The following COL21A1 variants were observed in gnomAD, a reference collection of about 807,000 sequenced individuals.
COL21A1 encodes the protein collagen type XXI alpha 1 chain.
A neutral mutation model predicts 137.9 loss-of-function variants in COL21A1; 149 were observed. That is an observed-to-expected ratio of 1.08 (90% CI 0.95 to 1.24). The LOEUF is 1.24. Ranked by LOEUF, COL21A1 falls within the 50% of genes most tolerant of loss-of-function variation. COL21A1 has a pLI of 0.00. For synonymous variants in COL21A1, 456 were observed against 391.5 expected, an observed-to-expected ratio of 1.16 and a Z score of -1.95; for missense variants, 1,167 against 1,158.4, an observed-to-expected ratio of 1.01 and a Z score of -0.11.
Position 56,182,476 on chromosome 6 carries a change from T to G in COL21A1, c.88+55A>C, listed in dbSNP as rs1777973836. The G allele has an allele frequency of 6.7e-6, 8 of 1,197,244 alleles. No individual in the cohort carries two copies. In the Admixed American group the frequency reaches 1.2e-4, roughly 18 times the overall value. The allele number at this position is 1,197,244 out of a possible 1,614,324, so 74.2% of individuals were successfully genotyped here. ...AACCATTACTTGAACTCCCCTAGTT[T>G]AATTTCCAGATTAATTTGTTGATAA... On this transcript the variant is annotated intron_variant, in intron 2 of 29. Coordinates refer to ENST00000244728, the MANE Select transcript of COL21A1 (RefSeq NM_030820.4).
intron 1 of COL21A1, among the ~76,000 whole-genome samples, chr6:56,303,217 T>C (rs1004509392): frequency 6.6e-6 from 1 of 152,224 alleles, no homozygotes; most frequent in African/African-American, 2.4e-5. Flanking sequence ...ATGTGGGCTC[T>C]TTTTTGGGTC....
chr6:56,149,274 G>A (rs1386347952), intron 10 of COL21A1, among the ~76,000 whole-genome samples: 1 of 152,104 alleles, frequency 6.6e-6, no homozygotes, highest in East Asian at 1.9e-4. Context: ...AGTAGCTAAT[G>A]CTAAAGAAAA....
chr6:56,228,701 C>T (rs1027427678), intron 1 of COL21A1, among the ~76,000 whole-genome samples: 2 of 151,576 alleles, frequency 1.3e-5, no homozygotes, highest in African/African-American at 2.4e-5. Context: ...ATGCAACTGA[C>T]GCTAAGCAGA....
chr6:56,365,281 T>G (rs2152349182), intron 1 of COL21A1, among the ~76,000 whole-genome samples: 1 of 152,290 alleles, frequency 6.6e-6, no homozygotes, highest in South Asian at 2.1e-4. Context: ...TTCCCCCACA[T>G]AAAAGCTTGC....
intron 1 of COL21A1, among the ~76,000 whole-genome samples, chr6:56,237,608 T>C (rs1046543536): frequency 1.3e-5 from 2 of 152,158 alleles, no homozygotes; most frequent in African/African-American, 4.8e-5. Context: ...CAAAGTGGCA[T>C]AGAATAATTT....
intron 1 of COL21A1, among the ~76,000 whole-genome samples, chr6:56,343,826 C>T (rs1434871550): frequency 6.6e-6 from 1 of 151,966 alleles, no homozygotes; most frequent in Non-Finnish European, 1.5e-5. Context: ...ACCTGTAGTC[C>T]CAGCTACTCG....
intron 1 of COL21A1, among the ~76,000 whole-genome samples, chr6:56,291,281 C>G (rs1253382060): frequency 6.6e-6 from 1 of 152,130 alleles, no homozygotes; most frequent in East Asian, 1.9e-4. Flanking sequence ...AGATTGGATC[C>G]CTGAGAAAGG....
At chr6:56,369,100 C>A (rs1305003809) in intron 1 of COL21A1, among the ~76,000 whole-genome samples, 4 of 151,908 alleles carry the variant, frequency 2.6e-5, no homozygotes, top group Admixed American at 6.6e-5. Flanking sequence ...ATATCGAGAA[C>A]CAATTGTTTT....
rs556478109 is a variant in COL21A1 at position 56,063,834 on chromosome 6, A to T, written c.2172+744T>A. Reference sequence around the variant, plus strand: ...TTCTCCCACTCACCCTCAGAGAAAGAGGTCCACCCCATGGGAGGACTCACA... The same window carrying T: ...TTCTCCCACTCACCCTCAGAGAAAGTGGTCCACCCCATGGGAGGACTCACA... On this transcript the variant is annotated intron_variant, in intron 24 of 29. Transcript: ENST00000244728. Among the ~76,000 whole-genome samples, 5 of 152,238 alleles carry T rather than the reference A, an allele frequency of 3.3e-5. No homozygotes were observed. In the South Asian group the frequency reaches 1.0e-3, roughly 32 times the overall value.
chr6:56,102,005 T>A (rs1770504335), intron 16 of COL21A1, among the ~76,000 whole-genome samples: 1 of 152,174 alleles, frequency 6.6e-6, no homozygotes, highest in Non-Finnish European at 1.5e-5. Flanking sequence ...GGCACTTTAG[T>A]ATATACGTAT....
chr6:56,176,208 C>A (rs942219599), intron 3 of COL21A1, among the ~76,000 whole-genome samples: 2 of 151,906 alleles, frequency 1.3e-5, no homozygotes, highest in Non-Finnish European at 2.9e-5. Context: ...ACATCAGCCT[C>A]GTAATGATTT....
chr6:56,103,887 A>G (rs1165710634), intron 16 of COL21A1, among the ~76,000 whole-genome samples: 1 of 152,194 alleles, frequency 6.6e-6, no homozygotes, highest in Non-Finnish European at 1.5e-5. Context: ...TGCATTTCTA[A>G]TAAGTTTACA....
chr6:56,374,526 C>G (rs538884968), intron 1 of COL21A1, among the ~76,000 whole-genome samples: 2 of 152,108 alleles, frequency 1.3e-5, no homozygotes, highest in East Asian at 3.9e-4. Flanking sequence ...AGATTGAGAC[C>G]ATCCTGGCCA....
intron 3 of COL21A1, among the ~76,000 whole-genome samples, chr6:56,177,791 CAAAAAAAA>C (rs3065941): frequency 1.4e-5 from 1 of 69,380 alleles, no homozygotes; most frequent in African/African-American, 6.1e-5. Flanking sequence ...GACTCTGCCT[CAAAAAAAA>C]AAAAAAAAAA....
Position 56,183,266 on chromosome 6 carries a change from T to C in COL21A1, c.-38-610A>G, listed in dbSNP as rs1778032339. ...AACAATGAGTACATACCAGATAAAG[T>C]ACAAATTCATATGCTTTTTAAGCCC... On this transcript the variant is annotated intron_variant, in intron 1 of 29. Transcript: ENST00000244728. Among the ~76,000 whole-genome samples the C allele has an allele frequency of 1.3e-5, 2 of 152,104 alleles. 1 individual carries two copies.
intron 3 of COL21A1, among the ~76,000 whole-genome samples, chr6:56,176,451 T>G (rs1027560992): frequency 6.6e-6 from 1 of 151,668 alleles, no homozygotes; most frequent in Admixed American, 6.6e-5. Flanking sequence ...GGAATTTTAT[T>G]GAGGACTTAA....
At chr6:56,260,701 C>G (rs201397164) in intron 1 of COL21A1, among the ~76,000 whole-genome samples, 3 of 126,298 alleles carry the variant, frequency 2.4e-5, no homozygotes, top group East Asian at 2.6e-4. Context: ...GGCAGGCAGG[C>G]AGGCAGGCAG....
chr6:56,343,866 A>G (rs1765525447), intron 1 of COL21A1, among the ~76,000 whole-genome samples: 1 of 152,140 alleles, frequency 6.6e-6, no homozygotes, highest in Admixed American at 6.5e-5. Context: ...GGGAGGATTG[A>G]GCCCAGGAGG....
intron 16 of COL21A1, 66 bp downstream of exon 16, chr6:56,123,996 T>C: frequency 1.5e-6 from 2 of 1,334,776 alleles, no homozygotes; most frequent in Non-Finnish European, 2.0e-6. Context: ...GGTACATTTT[T>C]CTTATGTTTC....
Sources: allele counts gnomAD v4.1 joint callset (sites outside exome capture counted in the v4.1 genomes callset), GRCh38; gene constraint gnomAD v4.1.1; transcripts MANE v1.5; gene names NCBI Gene and HGNC (gene_info 2026-07-23, HGNC 2026-07-21).